SORD: variants seen among roughly 807,000 people sequenced by gnomAD.
The protein encoded by SORD is sorbitol dehydrogenase.
Under a neutral mutation model 35.6 loss-of-function variants are expected in SORD, and 18 were observed. That is an observed-to-expected ratio of 0.51 (90% CI 0.35 to 0.75). SORD has a LOEUF of 0.75. SORD is among the 30% of genes least tolerant of loss of function. The pLI is 0.01. For missense variants in SORD, 250 were observed against 390.2 expected, an observed-to-expected ratio of 0.64 and a Z score of 3.03; for synonymous variants, 106 against 152.9, an observed-to-expected ratio of 0.69 and a Z score of 2.26.
At chr15:45,039,155 A>G (rs1892923523) in intron 1 of SORD, among the ~76,000 whole-genome samples, 1 of 151,704 alleles carries the variant, frequency 6.6e-6, no homozygotes, top group Non-Finnish European at 1.5e-5. Flanking sequence ...TTGAGACAGA[A>G]TCTTACCCTG....
chr15:45,054,762 G>A (rs1893186142), intron 3 of SORD, among the ~76,000 whole-genome samples: 1 of 151,878 alleles, frequency 6.6e-6, no homozygotes, highest in African/African-American at 2.4e-5. Context: ...TTTCTTCTAG[G>A]GTTTTTATGG....
At chr15:45,042,337 C>G (rs1306852669) in intron 2 of SORD, 1 of 151,820 alleles carries the variant, frequency 6.6e-6, no homozygotes, top group Non-Finnish European at 1.5e-5. Flanking sequence ...ACTAAAACTG[C>G]AAAAATTAGC....
chr15:45,023,354 G>C lies in SORD; in HGVS notation c.66+5G>C. 2 of 1,570,618 alleles carry C rather than the reference G, an allele frequency of 1.3e-6. No individual in the cohort carries two copies. The highest frequency in any genetic ancestry group is 2.5e-5 in the East Asian group (1 of 40,638). On this transcript the variant is annotated splice_donor_5th_base_variant and intron_variant, in intron 1 of 8. Transcript: ENST00000267814. ...GGACCGGGGGACTTGCGCCTGGTAAGCTGGGAAGGAGGGTGGGAAGCATAC... is the reference window on the plus strand; with the variant it reads ...GGACCGGGGGACTTGCGCCTGGTAACCTGGGAAGGAGGGTGGGAAGCATAC...
rs189050151 is a variant in SORD at position 45,057,045 on chromosome 15, C to T, written c.266-4022C>T. On this transcript the variant is annotated intron_variant, in intron 3 of 8. Coordinates refer to ENST00000267814, the MANE Select transcript of SORD (RefSeq NM_003104.6). ...CTTTAGACAGTCGTAACCCATTTTACTCTGGATAAGGGCAGAAACAGTTCA... is the reference window on the plus strand; with the variant it reads ...CTTTAGACAGTCGTAACCCATTTTATTCTGGATAAGGGCAGAAACAGTTCA... Among the ~76,000 whole-genome samples, 8 of 152,342 alleles carry T rather than the reference C, an allele frequency of 5.3e-5. No individual in the cohort carries two copies. In the East Asian group the frequency reaches 1.5e-3, roughly 29 times the overall value.
chr15:45,053,461 A>G (rs779075466), intron 3 of SORD, among the ~76,000 whole-genome samples: 9 of 152,184 alleles, frequency 5.9e-5, no homozygotes, highest in Admixed American at 2.0e-4. Flanking sequence ...CTAAGGAGAC[A>G]AAGCTGAAGC....
At chr15:45,035,215 T>C (rs570924750) in intron 1 of SORD, among the ~76,000 whole-genome samples, 266 of 151,888 alleles carry the variant, frequency 1.8e-3, no homozygotes, top group African/African-American at 6.2e-3. Context: ...GGCTGAGGAG[T>C]GTGGGCGCAC....
At chr15:45,034,567 G>A (rs137963882) in intron 1 of SORD, among the ~76,000 whole-genome samples, 7,155 of 152,296 alleles carry the variant, frequency 0.047, 194 homozygotes, top group South Asian at 0.12. Context: ...CCATGTCCCC[G>A]CAGAGAGTAC....
intron 2 of SORD, among the ~76,000 whole-genome samples, chr15:45,042,189 T>C (rs1295093167): frequency 6.6e-6 from 1 of 152,170 alleles, no homozygotes; most frequent in Non-Finnish European, 1.5e-5. Flanking sequence ...AGTACCATCT[T>C]TATTTTAAAC....
intron 1 of SORD, among the ~76,000 whole-genome samples, chr15:45,032,516 C>A (rs759528006): frequency 1.2e-3 from 181 of 152,012 alleles, no homozygotes; most frequent in Non-Finnish European, 2.3e-3. Flanking sequence ...CCACCTCCTG[C>A]GGGATCTGAA....
At chr15:45,068,121 C>T in intron 5 of SORD, 60 bp from the exon 6 acceptor site, 1 of 1,301,990 alleles carries the variant, frequency 7.7e-7, no homozygotes, top group Non-Finnish European at 1.1e-6. Context: ...ATGGCCTGGA[C>T]AAGTGGGAGA....
intron 4 of SORD, among the ~76,000 whole-genome samples, chr15:45,063,198 C>T (rs1398397914): frequency 1.3e-5 from 2 of 150,936 alleles, no homozygotes; most frequent in Admixed American, 1.3e-4. Context: ...GACCCAAGCC[C>T]TCCTCTCTGA....
chr15:45,042,351 G>A (rs1216176376), intron 2 of SORD: 2 of 152,146 alleles, frequency 1.3e-5, no homozygotes, highest in African/African-American at 4.8e-5. Context: ...AATTAGCCGG[G>A]CGTGGTGGCG....
intron 6 of SORD, 105 bp from the exon 7 acceptor site, chr15:45,068,772 C>G: frequency 7.1e-7 from 1 of 1,404,058 alleles, no homozygotes; most frequent in Non-Finnish European, 9.3e-7. Context: ...TGCACGAGAG[C>G]TTTGTTGCCA....
At chr15:45,064,995 C>A (rs906601944) in intron 4 of SORD, among the ~76,000 whole-genome samples, 2 of 152,192 alleles carry the variant, frequency 1.3e-5, no homozygotes, top group Admixed American at 1.3e-4. Context: ...ACCCTTTGGG[C>A]CCCTCACTAG....
At chr15:45,050,206 T>A (rs1386744225) in intron 3 of SORD, among the ~76,000 whole-genome samples, 1 of 152,122 alleles carries the variant, frequency 6.6e-6, no homozygotes, top group Non-Finnish European at 1.5e-5. Context: ...CTCAGCCTCC[T>A]GAGTAGCTGG....
chr15:45,034,872 T>G (rs1892835744), intron 1 of SORD, among the ~76,000 whole-genome samples: 1 of 152,218 alleles, frequency 6.6e-6, no homozygotes, highest in African/African-American at 2.4e-5. Flanking sequence ...CGCGCCGCGC[T>G]TGCGGGCCAG....
chr15:45,027,353 G>A (rs1892692035), intron 1 of SORD, among the ~76,000 whole-genome samples: 1 of 152,288 alleles, frequency 6.6e-6, no homozygotes, highest in Admixed American at 6.5e-5. Context: ...CTAGTTGTAT[G>A]ACTCAACAAA....
chr15:45,063,288 G>T (rs530880545), intron 4 of SORD, among the ~76,000 whole-genome samples: 1 of 152,024 alleles, frequency 6.6e-6, no homozygotes, highest in Non-Finnish European at 1.5e-5. Flanking sequence ...CTTCTCCTTG[G>T]CTTCTTGATC....
intron 1 of SORD, chr15:45,036,342 A>G (rs1180564216): frequency 1.5e-5 from 7 of 455,878 alleles, no homozygotes; most frequent in African/African-American, 6.0e-5. Context: ...TCACACAACT[A>G]TGGTAAAGAA....
Sources: gnomAD v4.1 joint callset for allele counts (sites outside exome capture counted in the v4.1 genomes callset) on GRCh38, gnomAD v4.1.1 for gene constraint, MANE v1.5 for transcripts, NCBI Gene and HGNC (gene_info 2026-07-23, HGNC 2026-07-21) for gene names.